Variants in DOP1B observed in about 807,000 individuals in gnomAD.
DOP1B encodes the protein protein DOP1B.
DOP1B carries 174 observed loss-of-function variants against 233.5 expected under a neutral mutation model. That is an observed-to-expected ratio of 0.75 (90% CI 0.66 to 0.85). The LOEUF is 0.85. DOP1B is among the 40% of genes least tolerant of loss of function. The pLI is 0.00. For synonymous variants in DOP1B, 1,190 were observed against 1,185.6 expected (o/e 1.00, Z -0.08); for missense variants, 2,652 against 2,846.6 (o/e 0.93, Z 1.56).
intron 17 of DOP1B, 25 bp downstream of exon 17, chr21:36,238,726 AC>A: frequency 6.2e-7 from 1 of 1,610,428 alleles, no homozygotes; most frequent in South Asian, 1.1e-5. Flanking sequence ...GTTATGATCT[AC>A]CGTTAACTCA....
At chr21:36,203,874 CTTT>C (rs34151956) in intron 4 of DOP1B, among the ~76,000 whole-genome samples, 9 of 140,968 alleles carry the variant, frequency 6.4e-5, no homozygotes, top group African/African-American at 5.2e-5. Flanking sequence ...GTCAGAAATC[CTTT>C]TTTTTTTTTT....
intron 2 of DOP1B, among the ~76,000 whole-genome samples, chr21:36,177,254 G>A (rs1435594226): frequency 6.6e-6 from 1 of 152,190 alleles, no homozygotes; most frequent in Non-Finnish European, 1.5e-5. Flanking sequence ...GTGTTCAAGA[G>A]CACTGCTACC....
At chr21:36,178,641 C>G (rs2066059244) in intron 2 of DOP1B, among the ~76,000 whole-genome samples, 2 of 152,110 alleles carry the variant, frequency 1.3e-5, no homozygotes, top group Admixed American at 6.6e-5. Context: ...TTATGGCAGC[C>G]TGGGCCAACT....
chr21:36,225,404 G>C, intron 11 of DOP1B, among the ~76,000 whole-genome samples, 161 bp from the exon 12 acceptor site: 1 of 151,894 alleles, frequency 6.6e-6, no homozygotes, highest in East Asian at 1.9e-4. Context: ...TAATTTTTTT[G>C]TACTTTAGTA....
At position 36,293,948 on chromosome 21, in the gene DOP1B, C is replaced by T. The variant is rs2067587367; in HGVS notation, c.*377C>T. ...AGTGAGCCGAGATCACGACACTGCA[C>T]TCCAGCTGTGTGACAGAATGAGACC... On this transcript the variant is annotated 3_prime_UTR_variant, in exon 37 of 37. Transcript: ENST00000691173. 1.1e-5 allele frequency: 2 copies of T among 180,310 alleles called. No homozygotes were observed. The highest frequency in any genetic ancestry group is 4.8e-5 in the African/African-American group (2 of 41,900). 11.2% of individuals were successfully genotyped at this position (180,310 alleles called of 1,614,324 possible).
At chr21:36,221,880 T>C (rs2066627523) in intron 10 of DOP1B, among the ~76,000 whole-genome samples, 1 of 152,108 alleles carries the variant, frequency 6.6e-6, no homozygotes. Context: ...ACAGCCTGTT[T>C]GTTTGTTTTT....
At chr21:36,233,472 G>A (rs1335069343) in intron 15 of DOP1B, among the ~76,000 whole-genome samples, 1 of 152,152 alleles carries the variant, frequency 6.6e-6, no homozygotes, top group Non-Finnish European at 1.5e-5. Flanking sequence ...CCCTTGACTG[G>A]GAGCTGGGGA....
rs1299027782 is a variant in DOP1B, at chr21:36,263,742, C to CA, written c.5421-4dup. ...TTTTAATCTGAAGCTGATTGTCTCC[C>CA]AACAGCATGCTGAATGACTTTGTAA... On this transcript the variant is annotated splice_polypyrimidine_tract_variant and splice_region_variant and intron_variant, in intron 25 of 36. Coordinates refer to ENST00000691173, the MANE Select transcript of DOP1B (RefSeq NM_001320714.2). 6.2e-7 allele frequency: 1 copy of CA among 1,613,964 alleles called. No homozygotes were observed. The highest frequency in any genetic ancestry group is 8.5e-7 in the Non-Finnish European group (1 of 1,179,980).
intron 27 of DOP1B, among the ~76,000 whole-genome samples, chr21:36,272,292 A>G (rs1283331224): frequency 6.6e-6 from 1 of 151,864 alleles, no homozygotes; most frequent in East Asian, 1.9e-4. Flanking sequence ...GTTTAAGACT[A>G]TCCTGGTTAG....
At position 36,233,089 on chromosome 21, in the gene DOP1B, G is replaced by C; in HGVS notation, c.2622+14G>C. 5.6e-6 allele frequency: 9 copies of C among 1,612,866 alleles called. No homozygotes were observed. Among genetic ancestry groups the C allele is most frequent in the Non-Finnish European group, 7.6e-6 (9 of 1,179,378 alleles). On this transcript the variant is annotated intron_variant, in intron 15 of 36. Transcript: ENST00000691173. ...GATTTCTATCAGGTATTTCCCACTG[G>C]GAACACTCTTCTTATGGCCTCCTTC...
chr21:36,178,388 A>G (rs951549808), intron 2 of DOP1B, among the ~76,000 whole-genome samples: 3 of 151,922 alleles, frequency 2.0e-5, no homozygotes, highest in African/African-American at 7.3e-5. Flanking sequence ...AGTCTCAGCT[A>G]CTTGGGAGGC....
rs1424910802 is a variant in DOP1B, at chr21:36,200,360, C to T, written c.350C>T (p.Ala117Val). ...SCGLFPLLAH[A>V]AVSVRPVLLT... ...GGGTTATTTCCTCTCCTGGCACACGCGGCGGTGTCGGTGAGGCCGGTGCTG... is the reference window on the plus strand; with the variant it reads ...GGGTTATTTCCTCTCCTGGCACACGTGGCGGTGTCGGTGAGGCCGGTGCTG... Residue 117 changes from alanine to valine, a missense_variant, in exon 4 of 37, where the codon GCG becomes GTG. By Grantham distance (64) the Ala-to-Val change is moderately conservative (BLOSUM62 0). This residue lies in a region of DOP1B where 2,617 missense variants were observed against 2,794.3 expected (regional missense o/e 0.94). Coordinates refer to ENST00000691173, the MANE Select transcript of DOP1B (RefSeq NM_001320714.2). 3 of 1,607,066 alleles carry T rather than the reference C, an allele frequency of 1.9e-6. No homozygotes were observed. Among genetic ancestry groups the T allele is most frequent in the East Asian group, 2.2e-5 (1 of 44,558 alleles).
intron 27 of DOP1B, among the ~76,000 whole-genome samples, chr21:36,270,580 T>TAAAAAAA (rs1555898513): frequency 2.5e-5 from 2 of 80,378 alleles, no homozygotes; most frequent in African/African-American, 1.0e-4. Context: ...AAAAAAAAAG[T>TAAAAAAA]ATTTAGAGCA....
At chr21:36,239,732 C>T (rs572165742) in intron 17 of DOP1B, 33 bp from the exon 18 acceptor site, 407 of 1,499,336 alleles carry the variant, frequency 2.7e-4, no homozygotes, top group Non-Finnish European at 3.0e-4. Flanking sequence ...GGGGTGGCTG[C>T]GAGTGAACTC....
intron 27 of DOP1B, among the ~76,000 whole-genome samples, chr21:36,275,858 G>A (rs2067344015): frequency 6.6e-6 from 1 of 152,174 alleles, no homozygotes; most frequent in Non-Finnish European, 1.5e-5. Flanking sequence ...AAGCAAAGGA[G>A]TGAAGGGTAG....
rs796646956 is a variant in DOP1B at position 36,259,321 on chromosome 21, A to C, written c.5260-1356A>C. ...AGTCTCGCTCTGTTGCCTAGCCTAG[A>C]GTGCAGTGGCGTGATCTTGGTTCAC... On this transcript the variant is annotated intron_variant, in intron 23 of 36. Transcript: ENST00000691173. 3.2e-4 allele frequency among the ~76,000 whole-genome samples: 47 copies of C among 145,118 alleles called. 1 individual carries two copies. Among genetic ancestry groups the C allele is most frequent in the African/African-American group, 1.2e-3 (46 of 38,724 alleles).
chr21:36,169,727 C>G, intron 2 of DOP1B: 2 of 1,015,174 alleles, frequency 2.0e-6, no homozygotes. Context: ...CTTCCTCATG[C>G]TGCTGAAGTC....
chr21:36,278,044 C>T lies in DOP1B; in HGVS notation c.5782C>T (p.Arg1928Cys), dbSNP rs778700986. 9.9e-6 allele frequency: 16 copies of T among 1,614,028 alleles called. No individual in the cohort carries two copies. The highest frequency in any genetic ancestry group is 3.3e-5 in the Admixed American group (2 of 59,990). The change falls in exon 29 of 37, where the codon CGT becomes TGT. Residue 1928 changes from arginine to cysteine, a missense_variant. Transcript: ENST00000691173. ...EKEKAVPLIS[R>C]LLYYVFPYLR... ...GGAGAAAGCTGTGCCGTTAATCTCCCGTCTGCTTTACTATGTTTTTCCATA... is the reference window on the plus strand; with the variant it reads ...GGAGAAAGCTGTGCCGTTAATCTCCTGTCTGCTTTACTATGTTTTTCCATA...
In DOP1B at chr21:36,197,957, T is replaced by C. The variant is rs188316501; in HGVS notation, c.139-1113T>C. ...ACCCAGGAGGTACAGGAGGTGGAGG[T>C]TGCAGTGAGCCAAGATCATGCCATT... On this transcript the variant is annotated intron_variant, in intron 2 of 36. Coordinates refer to ENST00000691173, the MANE Select transcript of DOP1B (RefSeq NM_001320714.2). Among the ~76,000 whole-genome samples, 1,378 of 148,684 alleles carry C rather than the reference T, an allele frequency of 9.3e-3. 18 individuals carry two copies. The highest frequency in any genetic ancestry group is 0.031 in the African/African-American group (1,241 of 40,324).
Sources: gnomAD v4.1 joint callset for allele counts (sites outside exome capture counted in the v4.1 genomes callset) on GRCh38, gnomAD v4.1.1 for gene constraint, gnomAD v4.1.1 regional missense constraint, MANE v1.5 for transcripts, NCBI Gene and HGNC (gene_info 2026-07-23, HGNC 2026-07-21) for gene names.